Variants in ZNF782 observed in about 807,000 individuals in gnomAD.
ZNF782 encodes the protein zinc finger protein 782.
ZNF782 carries 12 observed loss-of-function variants against 13.0 expected under a neutral mutation model. The ratio of observed to expected loss-of-function variants is 0.92; its 90% CI spans 0.59 to 1.50. The LOEUF is 1.50. Among genes scored for constraint, ZNF782 ranks in the 40% most tolerant of loss-of-function variants. ZNF782 has a pLI of 0.00. For synonymous variants in ZNF782, 284 were observed against 283.0 expected (o/e 1.00, Z -0.04); for missense variants, 770 against 822.9 (o/e 0.94, Z 0.79).
chr9:96,859,496 C>T (rs1259260721), upstream of ZNF782, among the ~76,000 whole-genome samples: 1 of 152,164 alleles, frequency 6.6e-6, no homozygotes, highest in Non-Finnish European at 1.5e-5. Flanking sequence ...TTTGGGATAA[C>T]ATCTCTAGAC....
At chr9:96,875,610 C>T (rs1396399366) in exon 1 of ZNF782, 1 of 456,408 alleles carries the variant, frequency 2.2e-6, no homozygotes, top group Non-Finnish European at 4.4e-6. Flanking sequence ...TGCGCTTTCC[C>T]CAAGGTTCGC....
intron 4 of ZNF782, among the ~76,000 whole-genome samples, chr9:96,836,151 T>G (rs1468722751): frequency 6.6e-6 from 1 of 152,144 alleles, no homozygotes; most frequent in Non-Finnish European, 1.5e-5. Flanking sequence ...AAATTTAATG[T>G]CTGCCCTGCT....
Position 96,816,669 on chromosome 9 carries a change from A to G in ZNF782, c.*1254T>C, listed in dbSNP as rs1850180696. ...ACAAGCTCTGATATAAAATATGATA[A>G]TTTGTTGAAAACTTTTACACATTCA... is the stretch of plus-strand genomic sequence containing the variant. On this transcript the variant is annotated 3_prime_UTR_variant, in exon 6 of 6. Coordinates refer to ENST00000481138, the MANE Select transcript of ZNF782 (RefSeq NM_001001662.3). The G allele has an allele frequency of 1.3e-5, 2 of 152,202 alleles. No homozygotes were observed. The highest frequency in any genetic ancestry group is 4.1e-4 in the South Asian group (2 of 4,832). The allele number at this position is 152,202 out of a possible 1,614,324, so 9.4% of individuals were successfully genotyped here.
intron 2 of ZNF782, among the ~76,000 whole-genome samples, chr9:96,861,151 T>C (rs187147656): frequency 1.3e-5 from 2 of 152,250 alleles, no homozygotes; most frequent in East Asian, 1.9e-4. Flanking sequence ...AAATAAAACA[T>C]TGGGAAAACT....
chr9:96,878,643 G>C (rs185355278), upstream of ZNF782, among the ~76,000 whole-genome samples: 78 of 152,290 alleles, frequency 5.1e-4, no homozygotes, highest in Middle Eastern at 3.4e-3. Flanking sequence ...AAATCTTTCT[G>C]TTCCTTAACT....
chr9:96,878,108 C>T (rs1851916521), upstream of ZNF782, among the ~76,000 whole-genome samples: 2 of 152,298 alleles, frequency 1.3e-5, no homozygotes, highest in South Asian at 4.1e-4. Context: ...GAGTGCAATG[C>T]TGCGATCTCA....
chr9:96,818,590 A>C lies in ZNF782; in HGVS notation c.1433T>G (p.Phe478Cys). 6 of 1,601,570 alleles carry C rather than the reference A, an allele frequency of 3.7e-6. No individual in the cohort carries two copies. Among genetic ancestry groups the C allele is most frequent in the Non-Finnish European group, 5.1e-6 (6 of 1,175,092 alleles). Residue 478 changes from phenylalanine (F) to cysteine (C), a missense_variant, in exon 6 of 6, where the codon TTT (phenylalanine) becomes TGT (cysteine). Coordinates refer to ENST00000481138, the MANE Select transcript of ZNF782 (RefSeq NM_001001662.3). ...HQRTHTGEKPFECNECGKSFS... is the reference protein window; with the variant it reads ...HQRTHTGEKPCECNECGKSFS... ...AGATTTCCCGCATTCATTACATTCAAAAGGTTTCTCCCCTGTGTGAGTTCT... is the reference window on the plus strand; with the variant it reads ...AGATTTCCCGCATTCATTACATTCACAAGGTTTCTCCCCTGTGTGAGTTCT...
chr9:96,908,171 T>C, the ZNF782 span, among the ~76,000 whole-genome samples: 54 of 151,826 alleles, frequency 3.6e-4, no homozygotes, highest in East Asian at 9.5e-3. Flanking sequence ...ACTCAATAAA[T>C]GGTTTTTTTT....
chr9:96,926,978 T>C, the ZNF782 span, among the ~76,000 whole-genome samples: 9 of 152,184 alleles, frequency 5.9e-5, no homozygotes, highest in Admixed American at 2.6e-4. Context: ...TGCTGTGCTC[T>C]GAGTACTCAC....
At chr9:96,826,566 G>A (rs1260419141) in intron 5 of ZNF782, among the ~76,000 whole-genome samples, 3 of 151,694 alleles carry the variant, frequency 2.0e-5, no homozygotes, top group East Asian at 1.9e-4. Flanking sequence ...AAATAAATAA[G>A]TAAATAAATA....
At chr9:96,864,194 G>C (rs1052105491) in intron 1 of ZNF782, among the ~76,000 whole-genome samples, 4 of 150,412 alleles carry the variant, frequency 2.7e-5, no homozygotes, top group African/African-American at 9.7e-5. Context: ...TGCTGTTCCT[G>C]TAAAGGGTAT....
the ZNF782 span, among the ~76,000 whole-genome samples, chr9:96,910,833 TCA>T: frequency 6.7e-6 from 1 of 149,660 alleles, no homozygotes; most frequent in Non-Finnish European, 1.5e-5. Flanking sequence ...AGATGGGGTT[TCA>T]CAGTGTTAGC....
At chr9:96,924,901 G>A in the ZNF782 span, among the ~76,000 whole-genome samples, 7 of 152,236 alleles carry the variant, frequency 4.6e-5, no homozygotes, top group Non-Finnish European at 8.8e-5. Context: ...GCAGGGCCCC[G>A]CTAAGGACCG....
At chr9:96,925,453 T>C in the ZNF782 span, among the ~76,000 whole-genome samples, 2 of 151,844 alleles carry the variant, frequency 1.3e-5, no homozygotes, top group African/African-American at 2.4e-5. Flanking sequence ...GCCTGGCCAA[T>C]ATGGTGCAAT....
intron 3 of ZNF782, 26 bp from the exon 4 acceptor site, chr9:96,845,042 C>A (rs1851307548): frequency 1.9e-6 from 3 of 1,613,436 alleles, no homozygotes; most frequent in Non-Finnish European, 2.5e-6. Flanking sequence ...TCTAATTAAT[C>A]TGAGTGTTCA....
intron 4 of ZNF782, among the ~76,000 whole-genome samples, chr9:96,832,108 A>G (rs189084915): frequency 4.0e-4 from 60 of 151,390 alleles, no homozygotes; most frequent in African/African-American, 1.1e-3. Flanking sequence ...TTTTTTACTT[A>G]TCTATTTTTC....
chr9:96,926,345 C>T, the ZNF782 span, among the ~76,000 whole-genome samples: 1,582 of 151,624 alleles, frequency 0.01, 3 homozygotes, highest in South Asian at 0.031. Flanking sequence ...GATAAAAGAT[C>T]GCGTCCTCAG....
chr9:96,846,871 G>A (rs962964702), intron 3 of ZNF782, among the ~76,000 whole-genome samples: 1 of 152,044 alleles, frequency 6.6e-6, no homozygotes, highest in Non-Finnish European at 1.5e-5. Flanking sequence ...TGCTCTCCAA[G>A]AACTGCAGAA....
the ZNF782 span, chr9:96,892,528 C>T: frequency 2.0e-5 from 3 of 152,152 alleles, no homozygotes; most frequent in African/African-American, 7.2e-5. Flanking sequence ...TGTGATGGAC[C>T]GGCTGAGCAG....
Sources: gnomAD v4.1 joint callset for allele counts (sites outside exome capture counted in the v4.1 genomes callset) on GRCh38, gnomAD v4.1.1 for gene constraint, MANE v1.5 for transcripts, NCBI Gene and HGNC (gene_info 2026-07-23, HGNC 2026-07-21) for gene names.